Variants in PDK1 observed in about 807,000 individuals in gnomAD.
The protein encoded by PDK1 is pyruvate dehydrogenase kinase 1.
A neutral mutation model predicts 54.2 loss-of-function variants in PDK1; 39 were observed. The observed-to-expected ratio is 0.72, with a 90% CI of 0.56 to 0.94. The LOEUF is 0.94. PDK1 is among the 40% of genes least tolerant of loss of function. The pLI is 0.00. For synonymous variants in PDK1, 221 were observed against 207.1 expected (o/e 1.07, Z -0.58); for missense variants, 552 against 566.0 (o/e 0.98, Z 0.25).
At chr2:172,652,606 G>A in the PDK1 span, among the ~76,000 whole-genome samples, 1 of 152,156 alleles carries the variant, frequency 6.6e-6, no homozygotes, top group Non-Finnish European at 1.5e-5. Context: ...AAGCTGATAA[G>A]CAACTTCAGC....
chr2:172,688,054 CA>C, the PDK1 span, among the ~76,000 whole-genome samples: 4 of 152,182 alleles, frequency 2.6e-5, no homozygotes, highest in African/African-American at 9.7e-5. Flanking sequence ...AGAATGATGG[CA>C]ATTGGGACTA....
chr2:172,676,182 AT>A, the PDK1 span, among the ~76,000 whole-genome samples: 1 of 152,324 alleles, frequency 6.6e-6, no homozygotes, highest in South Asian at 2.1e-4. Flanking sequence ...GGAGATTAAC[AT>A]GATTTTCATG....
chr2:172,657,366 G>C, the PDK1 span, among the ~76,000 whole-genome samples: 4 of 148,640 alleles, frequency 2.7e-5, no homozygotes, highest in Non-Finnish European at 6.0e-5. Context: ...CTTATTTCTT[G>C]TTGTGAGGAT....
the PDK1 span, among the ~76,000 whole-genome samples, chr2:172,635,475 C>A: frequency 2.6e-5 from 4 of 152,294 alleles, no homozygotes; most frequent in Non-Finnish European, 1.5e-5. Context: ...GCCACCACAC[C>A]TGGCTAATTT....
the PDK1 span, among the ~76,000 whole-genome samples, chr2:172,629,055 A>T: frequency 1.3e-5 from 2 of 152,140 alleles, no homozygotes; most frequent in African/African-American, 2.4e-5. Flanking sequence ...TGGAGCCTTG[A>T]GGAGGTTGAG....
In PDK1 at chr2:172,604,597, A is replaced by G. The variant is rs1465248617; in HGVS notation, c.*8628A>G. The stretch of plus-strand genomic sequence containing the variant: ...GGCCTCTGGAGTTTTACTGAGGACT[A>G]GAGATAGCTAAGTAACATAGTTCCA... On this transcript the variant is annotated 3_prime_UTR_variant, in exon 11 of 11. Coordinates refer to ENST00000282077, the MANE Select transcript of PDK1 (RefSeq NM_002610.5). 6.6e-6 allele frequency: 1 copy of G among 152,218 alleles called. No homozygotes were observed. The allele number at this position is 152,218 out of a possible 1,614,324, so 9.4% of individuals were successfully genotyped here. A position where few individuals can be genotyped will look rare whatever the true frequency, so the allele number is the denominator to read the frequency against.
At chr2:172,688,672 C>T in the PDK1 span, among the ~76,000 whole-genome samples, 2 of 152,134 alleles carry the variant, frequency 1.3e-5, no homozygotes, top group African/African-American at 4.8e-5. Context: ...GGTCTAATAT[C>T]TGGGAAAGGA....
At chr2:172,660,341 CT>C in the PDK1 span, among the ~76,000 whole-genome samples, 1 of 137,274 alleles carries the variant, frequency 7.3e-6, no homozygotes, top group Admixed American at 8.1e-5. Flanking sequence ...ACTGCAACCT[CT>C]GCCTCCTGGG....
chr2:172,659,693 A>G, the PDK1 span, among the ~76,000 whole-genome samples: 1 of 152,226 alleles, frequency 6.6e-6, no homozygotes, highest in Non-Finnish European at 1.5e-5. Flanking sequence ...AATTCTGAAA[A>G]GAGATGACCT....
chr2:172,559,227 G>A (rs1054178524), intron 2 of PDK1, among the ~76,000 whole-genome samples: 39 of 152,078 alleles, frequency 2.6e-4, no homozygotes, highest in African/African-American at 7.0e-4. Context: ...GATTACAGAC[G>A]TGAGCCACCG....
chr2:172,633,698 A>C, the PDK1 span, among the ~76,000 whole-genome samples: 7 of 150,540 alleles, frequency 4.6e-5, no homozygotes, highest in South Asian at 6.3e-4. Flanking sequence ...CTTTTTAATA[A>C]AAATATAATA....
Position 172,608,407 on chromosome 2 carries a change from A to G in PDK1, c.*12438A>G, listed in dbSNP as rs952498105. 1 of 152,122 alleles carries G rather than the reference A, an allele frequency of 6.6e-6. No individual in the cohort carries two copies. Among genetic ancestry groups the G allele is most frequent in the African/African-American group, 2.4e-5 (1 of 41,398 alleles). The allele number at this position is 152,122 out of a possible 1,614,324, so 9.4% of individuals were successfully genotyped here. A position where few individuals can be genotyped will look rare whatever the true frequency, so the allele number is the denominator to read the frequency against. ...GGTATTTTGGCTAATGTTATTTGCA[A>G]TGTCCATAAACTCAGAAGAAGTTAG... On this transcript the variant is annotated 3_prime_UTR_variant, in exon 11 of 11. Coordinates refer to ENST00000282077, the MANE Select transcript of PDK1 (RefSeq NM_002610.5).
At chr2:172,563,929 AT>A in intron 3 of PDK1, 1 of 447,648 alleles carries the variant, frequency 2.2e-6, no homozygotes, top group South Asian at 1.6e-5. Flanking sequence ...TGATTTGAAG[AT>A]TTGTCTTTTA....
At chr2:172,643,481 A>G in the PDK1 span, among the ~76,000 whole-genome samples, 1 of 152,184 alleles carries the variant, frequency 6.6e-6, no homozygotes, top group Non-Finnish European at 1.5e-5. Flanking sequence ...GCCTCAAGGC[A>G]TCTCTTCTAG....
At chr2:172,684,254 C>CTACAAAAAA in the PDK1 span, among the ~76,000 whole-genome samples, 1 of 151,964 alleles carries the variant, frequency 6.6e-6, no homozygotes, top group African/African-American at 2.4e-5. Flanking sequence ...AACTCCGTCT[C>CTACAAAAAA]TACAAAAAAT....
intron 8 of PDK1, among the ~76,000 whole-genome samples, chr2:172,573,628 C>T (rs1689415158): frequency 6.7e-6 from 1 of 148,568 alleles, no homozygotes; most frequent in African/African-American, 2.5e-5. Context: ...TGTATATATT[C>T]TATGTGTGTG....
At chr2:172,615,060 C>T in the PDK1 span, among the ~76,000 whole-genome samples, 1 of 152,132 alleles carries the variant, frequency 6.6e-6, no homozygotes, top group African/African-American at 2.4e-5. Flanking sequence ...ACGGAGTTTG[C>T]TCCTGTGTGG....
chr2:172,613,111 A>G (rs565437632), downstream of PDK1, among the ~76,000 whole-genome samples: 2 of 152,364 alleles, frequency 1.3e-5, no homozygotes, highest in African/African-American at 2.4e-5. Flanking sequence ...TACTGGGCAT[A>G]GAGAACCTCA....
the PDK1 span, chr2:172,677,130 A>G: frequency 6.6e-6 from 1 of 152,248 alleles, no homozygotes; most frequent in Non-Finnish European, 1.5e-5. Flanking sequence ...AAACAAAAAA[A>G]ATTGTGTGAC....
Sources: allele counts gnomAD v4.1 joint callset (sites outside exome capture counted in the v4.1 genomes callset), GRCh38; gene constraint gnomAD v4.1.1; transcripts MANE v1.5; gene names NCBI Gene and HGNC (gene_info 2026-07-23, HGNC 2026-07-21).